Variants in ABCA5 observed in about 807,000 individuals in gnomAD.
The protein encoded by ABCA5 is cholesterol transporter ABCA5.
A neutral mutation model predicts 206.0 loss-of-function variants in ABCA5; 163 were observed. That is an observed-to-expected ratio of 0.79 (90% CI 0.70 to 0.90). The LOEUF (loss-of-function observed/expected upper bound fraction) is 0.90, where lower values mean the gene tolerates loss of function less well. ABCA5 is among the 40% of genes least tolerant of loss of function. The pLI, the probability that ABCA5 is intolerant of heterozygous loss-of-function variation, is 0.00. For missense variants in ABCA5, 1,859 were observed against 1,912.9 expected, an observed-to-expected ratio of 0.97 and a Z score of 0.53; for synonymous variants, 609 against 613.8, an observed-to-expected ratio of 0.99 and a Z score of 0.11.
At chr17:69,292,721 G>A (rs946333831) in intron 11 of ABCA5, among the ~76,000 whole-genome samples, 2 of 152,222 alleles carry the variant, frequency 1.3e-5, no homozygotes, top group South Asian at 4.2e-4. Flanking sequence ...ATAAAAAGAC[G>A]TGAAAAGCAC....
intron 8 of ABCA5, among the ~76,000 whole-genome samples, chr17:69,301,785 C>T (rs2075654898): frequency 6.6e-6 from 1 of 152,050 alleles, no homozygotes; most frequent in Non-Finnish European, 1.5e-5. Context: ...GAGAAATGTA[C>T]TGGAGGTTGA....
chr17:69,275,861 G>C (rs2075326149), intron 19 of ABCA5, among the ~76,000 whole-genome samples: 1 of 152,108 alleles, frequency 6.6e-6, no homozygotes, highest in Non-Finnish European at 1.5e-5. Context: ...CATTTATAAA[G>C]AGACACCAGA....
At chr17:69,300,048 G>T (rs940096524) in intron 9 of ABCA5, among the ~76,000 whole-genome samples, 2 of 152,046 alleles carry the variant, frequency 1.3e-5, no homozygotes, top group African/African-American at 4.8e-5. Context: ...CATTTATTGT[G>T]AATTTTATTT....
chr17:69,274,912 C>T (rs924470726), intron 19 of ABCA5, among the ~76,000 whole-genome samples: 2 of 128,492 alleles, frequency 1.6e-5, no homozygotes, highest in Non-Finnish European at 3.1e-5. Context: ...GGTGTGATCT[C>T]GGCTCACTGC....
chr17:69,314,471 G>T, intron 1 of ABCA5, 41 bp from the exon 2 acceptor site: 2 of 1,180,048 alleles, frequency 1.7e-6, no homozygotes, highest in East Asian at 2.4e-5. Flanking sequence ...CCGGAGCCAC[G>T]CAGTAAACTG....
At chr17:69,248,645 C>T (rs919328213) in intron 37 of ABCA5, 9 of 197,018 alleles carry the variant, frequency 4.6e-5, no homozygotes, top group South Asian at 2.1e-4. Context: ...CCACTGTAGC[C>T]TATTCTGGCT....
chr17:69,258,554 G>A (rs1226890070), intron 28 of ABCA5, among the ~76,000 whole-genome samples: 1 of 152,074 alleles, frequency 6.6e-6, no homozygotes, highest in African/African-American at 2.4e-5. Flanking sequence ...GACTCCAAAA[G>A]GGGGTGGGGA....
chr17:69,321,946 A>G (rs552435583), intron 1 of ABCA5, among the ~76,000 whole-genome samples: 15 of 152,312 alleles, frequency 9.8e-5, no homozygotes, highest in Non-Finnish European at 1.5e-4. Flanking sequence ...ACTAAATCCA[A>G]TAAGTTGCAA....
Position 69,251,748 on chromosome 17 carries a change from T to C in ABCA5, c.4534A>G (p.Arg1512Gly). Residue 1512 changes from arginine (R) to glycine (G), a missense_variant and splice_region_variant, in exon 35 of 39, where the codon AGA becomes GGA. Arg to Gly is a moderately radical substitution (Grantham distance 125, BLOSUM62 -2). Coordinates refer to ENST00000392676, the MANE Select transcript of ABCA5 (RefSeq NM_172232.4). ...ATGGCACGCTATTTAGACATCAACCTTAACTGCCCAGACACCATGATAGCT... is the reference window on the plus strand; with the variant it reads ...ATGGCACGCTATTTAGACATCAACCCTAACTGCCCAGACACCATGATAGCT... ...RVAIMVSGQL[R>G]CIGTVQHLKS... 6.2e-7 allele frequency: 1 copy of C among 1,611,950 alleles called. No homozygotes were observed. The highest frequency in any genetic ancestry group is 8.5e-7 in the Non-Finnish European group (1 of 1,179,564).
intron 1 of ABCA5, among the ~76,000 whole-genome samples, chr17:69,320,370 A>G (rs1373261401): frequency 6.6e-6 from 1 of 152,202 alleles, no homozygotes; most frequent in Non-Finnish European, 1.5e-5. Flanking sequence ...GACAGAGAGA[A>G]AAAAATGATG....
At chr17:69,296,872 C>A (rs2075588758) in intron 10 of ABCA5, among the ~76,000 whole-genome samples, 1 of 152,048 alleles carries the variant, frequency 6.6e-6, no homozygotes, top group Non-Finnish European at 1.5e-5. Flanking sequence ...GGTTGAGGCA[C>A]AAGAATTGTT....
At position 69,297,375 on chromosome 17, in the gene ABCA5, T is replaced by C. The variant is rs1242301920; in HGVS notation, c.1268-16A>G. 1 of 1,575,506 alleles carries C rather than the reference T, an allele frequency of 6.3e-7. No individual in the cohort carries two copies. Among genetic ancestry groups the C allele is most frequent in the East Asian group, 2.3e-5 (1 of 44,346 alleles). On this transcript the variant is annotated splice_polypyrimidine_tract_variant and intron_variant, in intron 9 of 38. Coordinates refer to ENST00000392676, the MANE Select transcript of ABCA5 (RefSeq NM_172232.4). ...CCAAATTCCCCTGAAAAATAAACATTAAAAAACTGAGTTACCATAATTAGT... is the reference window on the plus strand; with the variant it reads ...CCAAATTCCCCTGAAAAATAAACATCAAAAAACTGAGTTACCATAATTAGT...
At chr17:69,299,491 C>T (rs927621145) in intron 9 of ABCA5, among the ~76,000 whole-genome samples, 1 of 151,678 alleles carries the variant, frequency 6.6e-6, no homozygotes, top group African/African-American at 2.4e-5. Flanking sequence ...CACACACACA[C>T]ACACACACAA....
intron 10 of ABCA5, 53 bp from the exon 11 acceptor site, chr17:69,294,766 G>C: frequency 8.2e-7 from 1 of 1,214,652 alleles, no homozygotes. Flanking sequence ...ATAAGTATGT[G>C]TGTTTATTTA....
intron 34 of ABCA5, among the ~76,000 whole-genome samples, chr17:69,252,204 C>T (rs1023252273): frequency 5.9e-5 from 9 of 151,762 alleles, no homozygotes; most frequent in South Asian, 2.1e-4. Flanking sequence ...TTAATAGAGA[C>T]GGGGTTTCAC....
At chr17:69,305,999 G>A (rs1396932000) in intron 6 of ABCA5, among the ~76,000 whole-genome samples, 1 of 152,098 alleles carries the variant, frequency 6.6e-6, no homozygotes, top group Non-Finnish European at 1.5e-5. Flanking sequence ...GGGCTAATTG[G>A]AATAAAATTT....
Position 69,302,783 on chromosome 17 carries a change from G to T in ABCA5, c.1054C>A (p.Pro352Thr). The stretch of plus-strand genomic sequence containing the variant: ...CTGAAAAGCCACACTAACGATTTGG[G>T]AAAACTTTCTATGAGGATTATCATA... ...GLMIILIESFPKSLVWLFSPF... is the reference protein window; with the variant it reads ...GLMIILIESFTKSLVWLFSPF... The change falls in exon 8 of 39, where the codon CCC (proline) becomes ACC (threonine). Residue 352 changes from proline to threonine, a missense_variant. Transcript: ENST00000392676. The T allele has an allele frequency of 6.3e-7, 1 of 1,599,816 alleles. No individual in the cohort carries two copies. Among genetic ancestry groups the T allele is most frequent in the Non-Finnish European group, 8.5e-7 (1 of 1,176,310 alleles).
Position 69,251,841 on chromosome 17 carries a change from T to G in ABCA5, c.4441A>C (p.Asn1481His), listed in dbSNP as rs2075016932. The G allele has an allele frequency of 2.5e-6, 4 of 1,613,824 alleles. No homozygotes were observed. In the African/African-American group the frequency reaches 4.0e-5, roughly 16 times the overall value. Reference sequence around the variant, plus strand: ...GTCAGAATAGCAGCCCGCTTTCTGTTTTTAAATGCAGTTCGAATTGCTCGC... The same window carrying G: ...GTCAGAATAGCAGCCCGCTTTCTGTGTTTAAATGCAGTTCGAATTGCTCGC... ...MWRAIRTAFK[N>H]RKRAAILTTH... Residue 1481 changes from asparagine (N) to histidine (H), a missense_variant, in exon 35 of 39, where the codon AAC (asparagine) becomes CAC (histidine). By Grantham distance (68) the Asn-to-His change is moderately conservative (BLOSUM62 1). Transcript: ENST00000392676.
chr17:69,270,798 A>G, intron 21 of ABCA5, 48 bp from the exon 22 acceptor site: 1 of 1,437,404 alleles, frequency 7.0e-7, no homozygotes, highest in African/African-American at 1.5e-5. Context: ...ATAAGCGGAT[A>G]TATTATTGAT....
Sources: allele counts gnomAD v4.1 joint callset (sites outside exome capture counted in the v4.1 genomes callset), GRCh38; gene constraint gnomAD v4.1.1; transcripts MANE v1.5; gene names NCBI Gene and HGNC (gene_info 2026-07-23, HGNC 2026-07-21).